Variants in PPP6C observed in about 807,000 individuals in gnomAD.
PPP6C encodes protein phosphatase 6 catalytic subunit.
Under a neutral mutation model 39.8 loss-of-function variants are expected in PPP6C, and 11 were observed. That is an observed-to-expected ratio of 0.28 (90% CI 0.17 to 0.46). The LOEUF is 0.46. Ranked by LOEUF, PPP6C falls within the 20% of genes least tolerant of loss-of-function variation. The pLI is 1.00. For missense variants in PPP6C, 211 were observed against 373.9 expected, an observed-to-expected ratio of 0.56 and a Z score of 3.59; for synonymous variants, 129 against 130.3, an observed-to-expected ratio of 0.99 and a Z score of 0.07.
chr9:125,187,287 C>G (rs958838221), intron 1 of PPP6C, among the ~76,000 whole-genome samples: 5 of 149,492 alleles, frequency 3.3e-5, no homozygotes, highest in African/African-American at 1.2e-4. Flanking sequence ...ATTTCCTTTT[C>G]TTTTTTTTTG....
chr9:125,177,258 C>T (rs1465633310), intron 1 of PPP6C, among the ~76,000 whole-genome samples: 1 of 152,138 alleles, frequency 6.6e-6, no homozygotes, highest in South Asian at 2.1e-4. Flanking sequence ...CCTGTAGTCT[C>T]AGCTACTTGA....
intron 6 of PPP6C, among the ~76,000 whole-genome samples, chr9:125,150,185 A>G (rs560974591): frequency 2.0e-5 from 3 of 152,330 alleles, no homozygotes; most frequent in Admixed American, 6.5e-5. Context: ...CTATGAAACA[A>G]AATTTTGTGT....
In PPP6C at chr9:125,150,744, G is replaced by C; in HGVS notation, c.670-823C>G. 4 of 741,656 alleles carry C rather than the reference G, an allele frequency of 5.4e-6. No individual in the cohort carries two copies. The Admixed American group carries it at 7.4e-5, about 14-fold the overall frequency. The allele number at this position is 741,656 out of a possible 1,614,324, so 45.9% of individuals were successfully genotyped here. On this transcript the variant is annotated intron_variant, in intron 6 of 6. Coordinates refer to ENST00000373547, the MANE Select transcript of PPP6C (RefSeq NM_002721.5). ...CCTGGAGCTCGGCAAGGCAGTGATT[G>C]AGAAATTCAGCAACTAGGAGACCTG...
chr9:125,179,986 C>T lies in PPP6C; in HGVS notation c.76-8806G>A, dbSNP rs551599040. On this transcript the variant is annotated intron_variant, in intron 1 of 6. Transcript: ENST00000373547. ...TAATTTTTTAAAACAACTATTGCAA[C>T]ATAATTCACCTACATAAAATGCATC... Among the ~76,000 whole-genome samples, 6 of 152,190 alleles carry T rather than the reference C, an allele frequency of 3.9e-5. No homozygotes were observed. The South Asian group carries it at 1.2e-3, about 32-fold the overall frequency.
intron 1 of PPP6C, chr9:125,188,991 A>G: frequency 7.0e-7 from 1 of 1,424,846 alleles, no homozygotes; most frequent in Non-Finnish European, 9.7e-7. Flanking sequence ...GTATTTATTG[A>G]GAACCAACTA....
At chr9:125,171,329 G>T in intron 1 of PPP6C, 149 bp from the exon 2 acceptor site, 1 of 584,868 alleles carries the variant, frequency 1.7e-6, no homozygotes, top group Non-Finnish European at 2.8e-6. Flanking sequence ...TCGGGGGTTG[G>T]ATTTCTGTCA....
At chr9:125,156,776 T>TC (rs1564147428) in intron 4 of PPP6C, among the ~76,000 whole-genome samples, 5 of 150,570 alleles carry the variant, frequency 3.3e-5, no homozygotes, top group African/African-American at 1.2e-4. Flanking sequence ...TCTCTCTCTC[T>TC]TTCAACCAAA....
chr9:125,179,395 T>C (rs898084219), intron 1 of PPP6C, among the ~76,000 whole-genome samples: 3 of 152,104 alleles, frequency 2.0e-5, no homozygotes, highest in African/African-American at 7.2e-5. Flanking sequence ...CAAGAGCAGA[T>C]TGTTTTGATT....
chr9:125,151,452 A>G, intron 6 of PPP6C: 1 of 803,340 alleles, frequency 1.2e-6, no homozygotes. Flanking sequence ...GTAGTCACCA[A>G]TAACATACCC....
At position 125,147,138 on chromosome 9, in the gene PPP6C, T is replaced by C. The variant is rs897714043; in HGVS notation, c.*2535A>G. The stretch of plus-strand genomic sequence containing the variant: ...AATGAATATAAAGTAGTGAAACTTT[T>C]TGGGGAAACACATTAACTTATAAAA... On this transcript the variant is annotated 3_prime_UTR_variant, in exon 7 of 7. Transcript: ENST00000373547. The C allele has an allele frequency of 6.6e-6, 1 of 152,194 alleles. No homozygotes were observed. Among genetic ancestry groups the C allele is most frequent in the Admixed American group, 6.5e-5 (1 of 15,274 alleles). The allele number at this position is 152,194 out of a possible 1,614,324, so 9.4% of individuals were successfully genotyped here. A position where few individuals can be genotyped will look rare whatever the true frequency, so the allele number is the denominator to read the frequency against.
At chr9:125,181,561 C>T (rs751115578) in intron 1 of PPP6C, among the ~76,000 whole-genome samples, 1 of 152,104 alleles carries the variant, frequency 6.6e-6, no homozygotes, top group African/African-American at 2.4e-5. Flanking sequence ...GTTCAACTCC[C>T]GCTTACGAGT....
chr9:125,171,474 C>CATATAT (rs1217320883), intron 1 of PPP6C, among the ~76,000 whole-genome samples: 2 of 30,832 alleles, frequency 6.5e-5, no homozygotes, highest in African/African-American at 1.3e-4. Context: ...CACACACACA[C>CATATAT]ACACATATAT....
At chr9:125,151,183 A>G (rs1055135294) in intron 6 of PPP6C, 8 of 1,491,788 alleles carry the variant, frequency 5.4e-6, no homozygotes, top group Middle Eastern at 3.4e-4. Flanking sequence ...AGTGACCTCC[A>G]TTGCAGACAG....
chr9:125,178,764 T>A (rs1829360071), intron 1 of PPP6C, among the ~76,000 whole-genome samples: 1 of 152,196 alleles, frequency 6.6e-6, no homozygotes, highest in Non-Finnish European at 1.5e-5. Flanking sequence ...TGAGGCCCAA[T>A]AAATCCCTTA....
intron 1 of PPP6C, among the ~76,000 whole-genome samples, chr9:125,176,192 C>T (rs1829294163): frequency 6.6e-6 from 1 of 152,122 alleles, no homozygotes; most frequent in African/African-American, 2.4e-5. Flanking sequence ...GAAACATCAT[C>T]AAGGCTGGTG....
intron 1 of PPP6C, among the ~76,000 whole-genome samples, chr9:125,185,854 C>T (rs532905013): frequency 1.5e-4 from 22 of 147,694 alleles, no homozygotes; most frequent in Non-Finnish European, 3.1e-4. Flanking sequence ...CGTGGTGGCA[C>T]ATGCCTGTAA....
chr9:125,182,249 T>C (rs370867063), intron 1 of PPP6C, among the ~76,000 whole-genome samples: 8 of 152,226 alleles, frequency 5.3e-5, no homozygotes, highest in African/African-American at 1.9e-4. Context: ...TCTAAACTTT[T>C]AAAATTACTT....
rs762021562 is a variant in PPP6C, at chr9:125,158,228, T to C, written c.379+13A>G. The stretch of plus-strand genomic sequence containing the variant: ...AAAATAATATTCAGAATCAGAGAAA[T>C]AGGAATTCTTACCATAAAATCCATA... On this transcript the variant is annotated intron_variant, in intron 4 of 6. Transcript: ENST00000373547. The C allele has an allele frequency of 4.4e-6, 7 of 1,587,022 alleles. No individual in the cohort carries two copies. In the South Asian group the frequency reaches 4.5e-5, roughly 10 times the overall value.
intron 1 of PPP6C, among the ~76,000 whole-genome samples, chr9:125,173,496 T>C (rs1265600836): frequency 6.6e-6 from 1 of 150,972 alleles, no homozygotes; most frequent in Non-Finnish European, 1.5e-5. Context: ...GAGAATCGCT[T>C]GAACCCAGGA....
Sources: allele counts gnomAD v4.1 joint callset (sites outside exome capture counted in the v4.1 genomes callset), GRCh38; gene constraint gnomAD v4.1.1; transcripts MANE v1.5; gene names NCBI Gene and HGNC (gene_info 2026-07-23, HGNC 2026-07-21).